MRTFB: variants seen among roughly 807,000 people sequenced by gnomAD.
MRTFB encodes myocardin related transcription factor B.
A neutral mutation model predicts 104.2 loss-of-function variants in MRTFB; 29 were observed. That is an observed-to-expected ratio of 0.28 (90% CI 0.21 to 0.38). The LOEUF (loss-of-function observed/expected upper bound fraction) is 0.38, where lower values mean the gene tolerates loss of function less well. Ranked by LOEUF, MRTFB falls within the 10% of genes least tolerant of loss-of-function variation. The probability of loss-of-function intolerance (pLI) is 1.00; values close to 1 mark genes in which losing one functional copy is unlikely to be tolerated. For synonymous variants in MRTFB, 535 were observed against 519.5 expected (o/e 1.03, Z -0.41); for missense variants, 1,270 against 1,341.6 (o/e 0.95, Z 0.83).
chr16:14,169,064 AG>A (rs965575668), intron 3 of MRTFB, among the ~76,000 whole-genome samples: 1 of 152,200 alleles, frequency 6.6e-6, no homozygotes, highest in Non-Finnish European at 1.5e-5. Context: ...ATATATAGGA[AG>A]TTAAAGAAGT....
At chr16:14,082,857 TC>T (rs2034491680) in intron 2 of MRTFB, among the ~76,000 whole-genome samples, 1 of 152,156 alleles carries the variant, frequency 6.6e-6, no homozygotes, top group South Asian at 2.1e-4. Context: ...CTTTGGTAGT[TC>T]CATACAAACT....
intron 3 of MRTFB, chr16:14,144,604 A>G (rs953169511): frequency 1.3e-5 from 2 of 152,212 alleles, no homozygotes; most frequent in African/African-American, 2.4e-5. Flanking sequence ...TGTTAATTCA[A>G]TTGAGCAATT....
At chr16:14,022,832 G>T in the MRTFB span, among the ~76,000 whole-genome samples, 1 of 149,812 alleles carries the variant, frequency 6.7e-6, no homozygotes, top group Admixed American at 6.7e-5. Flanking sequence ...GAGTGGCTGG[G>T]ATTACAGGCG....
chr16:14,256,191 T>TAACAAA (rs2043481363), intron 15 of MRTFB, among the ~76,000 whole-genome samples: 1 of 45,020 alleles, frequency 2.2e-5, no homozygotes, highest in South Asian at 6.1e-4. Flanking sequence ...AAAAACAGGA[T>TAACAAA]AACAAAAAAA....
chr16:14,085,636 C>T (rs1201725462), intron 2 of MRTFB, among the ~76,000 whole-genome samples: 1 of 151,744 alleles, frequency 6.6e-6, no homozygotes, highest in Non-Finnish European at 1.5e-5. Context: ...ACATCCAGCA[C>T]CTAATATAAT....
the MRTFB span, among the ~76,000 whole-genome samples, chr16:14,029,445 T>TAC: frequency 0.1 from 8,686 of 85,322 alleles, 549 homozygotes; most frequent in East Asian, 0.18. Flanking sequence ...TATATATATA[T>TAC]ACACACACAC....
chr16:14,139,673 A>G (rs1419805113), intron 2 of MRTFB, among the ~76,000 whole-genome samples: 2 of 152,196 alleles, frequency 1.3e-5, no homozygotes, highest in African/African-American at 4.8e-5. Flanking sequence ...CCATATAGAT[A>G]CCTGTACGGG....
At chr16:14,224,504 A>G (rs961187065) in intron 8 of MRTFB, among the ~76,000 whole-genome samples, 3 of 152,214 alleles carry the variant, frequency 2.0e-5, no homozygotes, top group African/African-American at 7.2e-5. Context: ...AAGAAATTCA[A>G]TAAACTCCAA....
chr16:14,106,411 A>G (rs1292674317), intron 2 of MRTFB, among the ~76,000 whole-genome samples: 3 of 152,182 alleles, frequency 2.0e-5, no homozygotes, highest in Non-Finnish European at 4.4e-5. Context: ...CTTTCAAATC[A>G]CTATACTTCT....
rs1441411542 is a variant in MRTFB at position 14,251,944 on chromosome 16, A to C, written c.2486A>C (p.Asn829Thr). 5.0e-6 allele frequency: 8 copies of C among 1,614,062 alleles called. No homozygotes were observed. Among genetic ancestry groups the C allele is most frequent in the Non-Finnish European group, 6.8e-6 (8 of 1,180,012 alleles). Reference protein sequence around the residue: ...PAPAVQQPFINKASNSVLQSR... With the variant: ...PAPAVQQPFITKASNSVLQSR... Reference sequence around the variant, plus strand: ...CCAGCTGTCCAGCAGCCCTTTATCAATAAGGCCTCCAACAGTGTTCTTCAA... The same window carrying C: ...CCAGCTGTCCAGCAGCCCTTTATCACTAAGGCCTCCAACAGTGTTCTTCAA... Residue 829 changes from asparagine to threonine, a missense_variant, in exon 14 of 17, where the codon AAT (asparagine) becomes ACT (threonine). By Grantham distance (65) the Asn-to-Thr change is moderately conservative. Coordinates refer to ENST00000571589, the MANE Select transcript of MRTFB (RefSeq NM_001308142.2).
At chr16:14,141,186 C>T (rs918878436) in intron 3 of MRTFB, 3 of 163,968 alleles carry the variant, frequency 1.8e-5, no homozygotes, top group African/African-American at 7.2e-5. Context: ...ACTAAGAAGT[C>T]AGGAGCTTCT....
chr16:14,107,566 T>C (rs572182909), intron 2 of MRTFB, among the ~76,000 whole-genome samples: 44 of 152,318 alleles, frequency 2.9e-4, no homozygotes, highest in Middle Eastern at 3.4e-3. Flanking sequence ...GGGGTGAATG[T>C]ACTAGATGAC....
chr16:14,093,046 A>G (rs1244264195), intron 2 of MRTFB, among the ~76,000 whole-genome samples: 2 of 152,200 alleles, frequency 1.3e-5, no homozygotes, highest in Non-Finnish European at 2.9e-5. Flanking sequence ...TTGGAACACT[A>G]GGCTAGACAT....
At chr16:14,067,602 G>T (rs1386466560), upstream of MRTFB, among the ~76,000 whole-genome samples, 1 of 152,026 alleles carries the variant, frequency 6.6e-6, no homozygotes, top group Non-Finnish European at 1.5e-5. Context: ...TGCCTATGAA[G>T]TGACTTCCAA....
At chr16:14,187,374 T>A (rs989986830) in intron 3 of MRTFB, among the ~76,000 whole-genome samples, 5 of 152,234 alleles carry the variant, frequency 3.3e-5, no homozygotes, top group Non-Finnish European at 7.3e-5. Flanking sequence ...CATTTCCTTT[T>A]TTATGTTAGT....
chr16:14,210,860 T>C (rs953833657), intron 4 of MRTFB, among the ~76,000 whole-genome samples: 9 of 152,210 alleles, frequency 5.9e-5, no homozygotes, highest in African/African-American at 2.2e-4. Flanking sequence ...TCAGAAATTT[T>C]TGAGAGTTGA....
chr16:14,157,165 A>G (rs1217541185), intron 3 of MRTFB, among the ~76,000 whole-genome samples: 3 of 152,258 alleles, frequency 2.0e-5, no homozygotes, highest in Non-Finnish European at 4.4e-5. Context: ...AGGGAATATC[A>G]GAGTGACTTG....
intron 2 of MRTFB, among the ~76,000 whole-genome samples, chr16:14,111,708 G>A (rs1596884987): frequency 6.6e-6 from 1 of 152,298 alleles, no homozygotes; most frequent in African/African-American, 2.4e-5. Flanking sequence ...TAACCTGGAA[G>A]AGGGAGGTGC....
chr16:14,037,164 C>T, the MRTFB span, among the ~76,000 whole-genome samples: 2 of 152,290 alleles, frequency 1.3e-5, no homozygotes, highest in Non-Finnish European at 2.9e-5. Flanking sequence ...CTGCCACTTA[C>T]GAGATGCATG....
Sources: gnomAD v4.1 joint callset for allele counts (sites outside exome capture counted in the v4.1 genomes callset) on GRCh38, gnomAD v4.1.1 for gene constraint, MANE v1.5 for transcripts, NCBI Gene and HGNC (gene_info 2026-07-23, HGNC 2026-07-21) for gene names.